Variants in PIK3CB observed in about 807,000 individuals in gnomAD.
PIK3CB encodes phosphatidylinositol 4,5-bisphosphate 3-kinase catalytic subunit beta isoform.
In PIK3CB, 39 loss-of-function variants were observed where a neutral mutation model predicts 136.8. The ratio of observed to expected loss-of-function variants is 0.29; its 90% CI spans 0.22 to 0.37. The LOEUF (loss-of-function observed/expected upper bound fraction) is 0.37, where lower values mean the gene tolerates loss of function less well. Among genes scored for constraint, PIK3CB ranks in the 10% least tolerant of loss-of-function variants. The probability of loss-of-function intolerance (pLI) is 1.00; values close to 1 mark genes in which losing one functional copy is unlikely to be tolerated. For synonymous variants in PIK3CB, 428 were observed against 436.6 expected (o/e 0.98, Z 0.25); for missense variants, 868 against 1,275.4 (o/e 0.68, Z 4.87).
chr3:138,701,719 G>A (rs2044256803), intron 12 of PIK3CB, among the ~76,000 whole-genome samples: 1 of 148,878 alleles, frequency 6.7e-6, no homozygotes, highest in African/African-American at 2.5e-5. Context: ...CGGGGTGGCA[G>A]AGACTGCAGT....
chr3:138,795,323 TA>T (rs56912195), intron 2 of PIK3CB, among the ~76,000 whole-genome samples: 63,988 of 112,412 alleles, frequency 0.57, 17,708 homozygotes, highest in East Asian at 0.97. Flanking sequence ...CTCTGTCTTT[TA>T]AAAAAAAAAA....
chr3:138,813,401 TA>T (rs1433439815), intron 1 of PIK3CB, among the ~76,000 whole-genome samples: 9 of 152,056 alleles, frequency 5.9e-5, no homozygotes, highest in African/African-American at 1.7e-4. Flanking sequence ...TTCTTCAGTT[TA>T]ATTCACACAT....
chr3:138,664,576 T>C (rs1327164920), intron 20 of PIK3CB, among the ~76,000 whole-genome samples: 1 of 152,218 alleles, frequency 6.6e-6, no homozygotes, highest in Non-Finnish European at 1.5e-5. Context: ...CAAAAATACT[T>C]GCAGACCATT....
chr3:138,695,931 A>ATTTATTT (rs2044127591), intron 13 of PIK3CB, among the ~76,000 whole-genome samples: 1 of 90,838 alleles, frequency 1.1e-5, no homozygotes, highest in Non-Finnish European at 2.0e-5. Context: ...AATTTTTTGT[A>ATTTATTT]TTTTTTTTTT....
intron 8 of PIK3CB, among the ~76,000 whole-genome samples, chr3:138,719,392 C>G (rs990815569): frequency 6.6e-6 from 1 of 151,616 alleles, no homozygotes; most frequent in African/African-American, 2.4e-5. Flanking sequence ...ATTACAGGTG[C>G]GCACCACCAT....
intron 4 of PIK3CB, among the ~76,000 whole-genome samples, chr3:138,743,371 G>C (rs948345754): frequency 6.6e-6 from 1 of 151,970 alleles, no homozygotes; most frequent in Non-Finnish European, 1.5e-5. Context: ...AGAAAACCTA[G>C]TACACTTAAA....
chr3:138,742,788 A>G lies in PIK3CB; in HGVS notation c.398-7T>C. 1 of 1,510,682 alleles carries G rather than the reference A, an allele frequency of 6.6e-7. No homozygotes were observed. The highest frequency in any genetic ancestry group is 9.1e-7 in the Non-Finnish European group (1 of 1,100,104). The allele number at this position is 1,510,682 out of a possible 1,614,324, so 93.6% of individuals were successfully genotyped here. A position where few individuals can be genotyped will look rare whatever the true frequency, so the allele number is the denominator to read the frequency against. ...GAATCAAATTCATGCAGACCTAAAC[A>G]CATTTTTTAAAGGTGTCATTTTCAG... On this transcript the variant is annotated splice_polypyrimidine_tract_variant and splice_region_variant and intron_variant, in intron 4 of 23. Transcript: ENST00000674063.
intron 8 of PIK3CB, among the ~76,000 whole-genome samples, chr3:138,715,916 A>G (rs539094499): frequency 6.6e-6 from 1 of 152,204 alleles, no homozygotes; most frequent in South Asian, 2.1e-4. Flanking sequence ...CAGATGGATT[A>G]GAGAATTAAA....
chr3:138,727,033 G>A (rs781373421), intron 8 of PIK3CB, among the ~76,000 whole-genome samples: 3 of 152,096 alleles, frequency 2.0e-5, no homozygotes, highest in South Asian at 4.2e-4. Flanking sequence ...CTGGGTGACG[G>A]AGCAAGACTG....
chr3:138,831,072 G>A (rs1241570033), intron 1 of PIK3CB, among the ~76,000 whole-genome samples: 14 of 148,240 alleles, frequency 9.4e-5, no homozygotes, highest in Admixed American at 2.7e-4. Flanking sequence ...CACGAGGTCA[G>A]GAGATCAAGA....
chr3:138,708,593 CTTTTT>C (rs11308775), intron 10 of PIK3CB, among the ~76,000 whole-genome samples: 11 of 141,674 alleles, frequency 7.8e-5, no homozygotes, highest in African/African-American at 1.6e-4. Flanking sequence ...GGAGGCAACT[CTTTTT>C]TTTTTTTTTT....
In PIK3CB at chr3:138,703,617, T is replaced by C. The variant is rs1307856482; in HGVS notation, c.1581+826A>G. Among the ~76,000 whole-genome samples, 9 of 151,930 alleles carry C rather than the reference T, an allele frequency of 5.9e-5. No homozygotes were observed. In the South Asian group the frequency reaches 6.2e-4, roughly 11 times the overall value. ...AGATATAGATATATAAATGTAGATA[T>C]AGATATAGATATATAGATGTAGATA... is the stretch of plus-strand genomic sequence containing the variant. On this transcript the variant is annotated intron_variant, in intron 12 of 23. Transcript: ENST00000674063.
intron 5 of PIK3CB, among the ~76,000 whole-genome samples, chr3:138,741,158 C>T (rs1038388802): frequency 6.6e-6 from 1 of 152,108 alleles, no homozygotes; most frequent in African/African-American, 2.4e-5. Context: ...AGAGAAAATG[C>T]CTGAAGGCAG....
At chr3:138,795,555 T>C (rs1432815275) in intron 2 of PIK3CB, among the ~76,000 whole-genome samples, 2 of 151,814 alleles carry the variant, frequency 1.3e-5, no homozygotes, top group African/African-American at 4.8e-5. Flanking sequence ...AGCTTGAAAA[T>C]GGGAGGCAGA....
chr3:138,675,824 C>T (rs191328336), intron 19 of PIK3CB, among the ~76,000 whole-genome samples: 1 of 152,108 alleles, frequency 6.6e-6, no homozygotes, highest in African/African-American at 2.4e-5. Flanking sequence ...CAAAACTATA[C>T]ATAGGGACAG....
intron 19 of PIK3CB, among the ~76,000 whole-genome samples, chr3:138,672,949 T>C (rs1278880761): frequency 9.3e-6 from 1 of 107,236 alleles, no homozygotes; most frequent in African/African-American, 3.5e-5. Flanking sequence ...GAGAAAGAGA[T>C]GAAAAAGAAT....
rs758443352 is a variant in PIK3CB at position 138,822,812 on chromosome 3, T to G, written c.-122+11883A>C. On this transcript the variant is annotated intron_variant, in intron 1 of 23. Coordinates refer to ENST00000674063, the MANE Select transcript of PIK3CB (RefSeq NM_006219.3). ...AGCCGAGATCACGCCACTGCAAATA[T>G]ATATATATGAAATATATATACAAAA... 5.5e-5 allele frequency among the ~76,000 whole-genome samples: 8 copies of G among 146,534 alleles called. No homozygotes were observed. In the South Asian group the frequency reaches 1.5e-3, roughly 28 times the overall value.
At chr3:138,742,086 C>T (rs1367176637) in intron 5 of PIK3CB, among the ~76,000 whole-genome samples, 1 of 152,026 alleles carries the variant, frequency 6.6e-6, no homozygotes, top group African/African-American at 2.4e-5. Flanking sequence ...TCATTTCTAC[C>T]GATGGGGGAG....
chr3:138,684,599 T>A, intron 17 of PIK3CB, 26 bp downstream of exon 17: 1 of 1,549,802 alleles, frequency 6.5e-7, no homozygotes, highest in Non-Finnish European at 8.7e-7. Flanking sequence ...CATAGGAGAT[T>A]CACTGCGCAA....
Sources: gnomAD v4.1 joint callset for allele counts (sites outside exome capture counted in the v4.1 genomes callset) on GRCh38, gnomAD v4.1.1 for gene constraint, MANE v1.5 for transcripts, NCBI Gene and HGNC (gene_info 2026-07-23, HGNC 2026-07-21) for gene names.